The following LRRC56 variants were observed in gnomAD, a reference collection of about 807,000 sequenced individuals.
The protein encoded by LRRC56 is leucine-rich repeat-containing protein 56.
Under a neutral mutation model 47.8 loss-of-function variants are expected in LRRC56, and 41 were observed. The observed-to-expected ratio is 0.86, with a 90% CI of 0.67 to 1.11. LRRC56 has a LOEUF of 1.11. Among genes scored for constraint, LRRC56 ranks in the 50% most tolerant of loss-of-function variants. LRRC56 has a pLI of 0.00. For missense variants in LRRC56, 759 were observed against 704.2 expected (o/e 1.08, Z -0.88); for synonymous variants, 387 against 311.2 (o/e 1.24, Z -2.56).
intron 13 of LRRC56, among the ~76,000 whole-genome samples, chr11:553,516 G>A (rs1187784452): frequency 6.6e-6 from 1 of 152,184 alleles, no homozygotes; most frequent in Non-Finnish European, 1.5e-5. Flanking sequence ...CAGGAGGAGG[G>A]GAGCTGCAGT....
At chr11:513,859 C>A in the LRRC56 span, among the ~76,000 whole-genome samples, 1 of 151,956 alleles carries the variant, frequency 6.6e-6, no homozygotes, top group East Asian at 1.9e-4. Context: ...CCACAGCCAC[C>A]TCAGCCTTCA....
the LRRC56 span, among the ~76,000 whole-genome samples, chr11:526,602 C>T: frequency 2.0e-5 from 3 of 152,166 alleles, no homozygotes; most frequent in Non-Finnish European, 2.9e-5. Context: ...ACTAAATATT[C>T]TTTAGCAGGT....
chr11:554,374 T>G lies in LRRC56; in HGVS notation c.*98T>G. 9.1e-7 allele frequency: 1 copy of G among 1,098,594 alleles called. No individual in the cohort carries two copies. The highest frequency in any genetic ancestry group is 2.2e-5 in the South Asian group (1 of 45,044). The allele number at this position is 1,098,594 out of a possible 1,614,324, so 68.1% of individuals were successfully genotyped here. ...ATACCTGGGCGGGTGTGTTGGGGGG[T>G]GGAAGGAGTGCCTGGCCCTGGGGAG... is the stretch of plus-strand genomic sequence containing the variant. On this transcript the variant is annotated 3_prime_UTR_variant, in exon 14 of 14. Transcript: ENST00000270115.
chr11:542,592 A>AC (rs1281838680), intron 5 of LRRC56, among the ~76,000 whole-genome samples: 1 of 149,252 alleles, frequency 6.7e-6, no homozygotes, highest in Admixed American at 6.7e-5. Context: ...AAAAAAAAAA[A>AC]AAAAAAAAAA....
chr11:517,637 G>A, the LRRC56 span, among the ~76,000 whole-genome samples: 8 of 152,250 alleles, frequency 5.3e-5, no homozygotes, highest in East Asian at 7.7e-4. Flanking sequence ...CTGCCAGGCC[G>A]CCCCGTCTGG....
intron 5 of LRRC56, among the ~76,000 whole-genome samples, chr11:542,843 A>G (rs543023377): frequency 3.9e-5 from 6 of 152,074 alleles, no homozygotes; most frequent in East Asian, 3.9e-4. Context: ...ACACCTGTAC[A>G]TGACTCTTAG....
At chr11:532,849 C>T (rs551823566), upstream of LRRC56, 20 of 1,261,684 alleles carry the variant, frequency 1.6e-5, no homozygotes, top group Admixed American at 2.6e-4. Context: ...TTGCCTGGCC[C>T]GAAGCTCCCG....
At chr11:513,549 C>A in the LRRC56 span, among the ~76,000 whole-genome samples, 1 of 152,236 alleles carries the variant, frequency 6.6e-6, no homozygotes, top group East Asian at 1.9e-4. Flanking sequence ...CCATAAACTT[C>A]GTTGGTACAG....
chr11:552,620 CT>C lies in LRRC56; in HGVS notation c.1234del (p.Trp412GlyfsTer88). The C allele has an allele frequency of 6.2e-7, 1 of 1,610,284 alleles. No homozygotes were observed. The highest frequency in any genetic ancestry group is 8.5e-7 in the Non-Finnish European group (1 of 1,178,424). Reference protein sequence around the residue: ...ESQQEGAVAPWGPRRVPEEQV... With the variant: ...ESQQEGAVAPXGPRRVPEEQV... ...CCCAACAGGAAGGGGCTGTAGCCCC[CT>C]GGGGCCCACGGAGGGTCCCTGAAGA... is the stretch of plus-strand genomic sequence containing the variant. On this transcript the variant is annotated frameshift_variant, in exon 13 of 14. Transcript: ENST00000270115. LOFTEE classifies it high-confidence loss of function.
chr11:533,969 C>T (rs1851290534), upstream of LRRC56: 5 of 1,606,260 alleles, frequency 3.1e-6, no homozygotes, highest in East Asian at 2.2e-5. Context: ...GGCTCAGGGA[C>T]CCCCTCAGGA....
chr11:508,171 G>A, the LRRC56 span, among the ~76,000 whole-genome samples: 2 of 152,200 alleles, frequency 1.3e-5, no homozygotes, highest in African/African-American at 2.4e-5. Flanking sequence ...GCCTTTATTA[G>A]GTATTTGTTT....
At chr11:552,058 G>C in intron 11 of LRRC56, 32 bp from the exon 12 acceptor site, 1 of 1,604,856 alleles carries the variant, frequency 6.2e-7, no homozygotes, top group Non-Finnish European at 8.5e-7. Flanking sequence ...TCCAGGGCCA[G>C]AATCCCTAAA....
the LRRC56 span, chr11:529,599 C>T: frequency 6.6e-6 from 1 of 152,238 alleles, no homozygotes; most frequent in Non-Finnish European, 1.5e-5. Context: ...CCAGTCTTGT[C>T]CTCTGGGATT....
At chr11:506,526 C>G in the LRRC56 span, 4 of 152,156 alleles carry the variant, frequency 2.6e-5, no homozygotes, top group Admixed American at 2.6e-4. Context: ...GGCGTCCGGT[C>G]CCCCGGTGGT....
At chr11:549,415 G>T (rs952176431) in intron 6 of LRRC56, among the ~76,000 whole-genome samples, 1 of 152,142 alleles carries the variant, frequency 6.6e-6, no homozygotes, top group Non-Finnish European at 1.5e-5. Context: ...ACATCAAGCC[G>T]CCCTGACCCA....
chr11:512,178 G>A, the LRRC56 span, among the ~76,000 whole-genome samples: 3 of 151,634 alleles, frequency 2.0e-5, no homozygotes, highest in African/African-American at 4.8e-5. Flanking sequence ...TCTTGACCTC[G>A]TTATCTGCCT....
chr11:534,031 C>G, upstream of LRRC56: 2 of 1,390,202 alleles, frequency 1.4e-6, no homozygotes, highest in South Asian at 1.2e-5. Flanking sequence ...ACCTCTCATG[C>G]CCCTCATGCC....
At chr11:544,862 T>A in intron 6 of LRRC56, 82 bp downstream of exon 6, 2 of 999,030 alleles carry the variant, frequency 2.0e-6, no homozygotes, top group Non-Finnish European at 2.9e-6. Flanking sequence ...GGGGGAGAAC[T>A]TGGTGGGAGT....
chr11:551,100 GCCCT>G (rs1197108829), intron 8 of LRRC56, 27 bp from the exon 9 acceptor site: 4 of 1,252,554 alleles, frequency 3.2e-6, no homozygotes, highest in Non-Finnish European at 3.3e-6. Flanking sequence ...ACCCAGACCT[GCCCT>G]CCCTCCCCCT....
Sources: allele counts gnomAD v4.1 joint callset (sites outside exome capture counted in the v4.1 genomes callset), GRCh38; gene constraint gnomAD v4.1.1; transcripts MANE v1.5; gene names NCBI Gene and HGNC (gene_info 2026-07-23, HGNC 2026-07-21).